Variants in HS6ST2 observed in about 807,000 individuals in gnomAD.
HS6ST2 encodes heparan-sulfate 6-O-sulfotransferase 2.
In HS6ST2, 17 loss-of-function variants were observed where a neutral mutation model predicts 33.0. The ratio of observed to expected loss-of-function variants is 0.52; its 90% CI spans 0.35 to 0.77. The LOEUF is 0.77. HS6ST2 is among the 30% of genes least tolerant of loss of function. HS6ST2 has a pLI of 0.01. For missense variants in HS6ST2, 519 were observed against 551.7 expected, an observed-to-expected ratio of 0.94 and a Z score of 0.59; for synonymous variants, 248 against 237.1, an observed-to-expected ratio of 1.05 and a Z score of -0.42.
chrX:132,863,922 G>A (rs2065939915), intron 2 of HS6ST2, among the ~76,000 whole-genome samples: 2 of 111,676 alleles, frequency 1.8e-5, no homozygotes, highest in Admixed American at 9.6e-5. Context: ...AATCTTTGCT[G>A]TTCTGCAGCC....
chrX:132,811,465 A>G (rs766220772), intron 2 of HS6ST2, among the ~76,000 whole-genome samples: 63 of 108,005 alleles, frequency 5.8e-4, no homozygotes, highest in Non-Finnish European at 1.1e-3. Context: ...CCAAATTGAA[A>G]GTCCATACTC....
chrX:132,874,179 A>G (rs2066088416), intron 2 of HS6ST2, among the ~76,000 whole-genome samples: 2 of 112,099 alleles, frequency 1.8e-5, no homozygotes, highest in Non-Finnish European at 3.8e-5. Flanking sequence ...CAAACATGTG[A>G]TCCATAAAAA....
chrX:132,961,120 G>A (rs749367869), upstream of HS6ST2: 23 of 83,990 alleles, frequency 2.7e-4, no homozygotes, highest in Admixed American at 2.2e-3. Context: ...GAAAGACTGG[G>A]GGTAGGAGGC....
At chrX:132,873,735 C>CAT (rs1449159948) in intron 2 of HS6ST2, among the ~76,000 whole-genome samples, 1 of 111,318 alleles carries the variant, frequency 9.0e-6, no homozygotes, top group Non-Finnish European at 1.9e-5. Flanking sequence ...GCTTTAAAGA[C>CAT]ATGAGCAGTC....
At chrX:132,908,160 A>G (rs1037719886) in intron 2 of HS6ST2, among the ~76,000 whole-genome samples, 2 of 112,584 alleles carry the variant, frequency 1.8e-5, no homozygotes, top group Non-Finnish European at 3.7e-5. Context: ...GCAGATAAAG[A>G]TGATCAATAT....
intron 2 of HS6ST2, among the ~76,000 whole-genome samples, chrX:132,768,471 C>G (rs960248994): frequency 9.0e-6 from 1 of 110,957 alleles, no homozygotes; most frequent in African/African-American, 3.3e-5. Flanking sequence ...ATGTAAAGAA[C>G]GTGTACATCA....
At chrX:132,762,753 G>T (rs2064814247) in intron 2 of HS6ST2, among the ~76,000 whole-genome samples, 1 of 111,819 alleles carries the variant, frequency 8.9e-6, no homozygotes, top group African/African-American at 3.2e-5. Flanking sequence ...TTCCCCTTGG[G>T]CCTCTGTTGC....
At chrX:132,799,370 C>CTTT (rs771580446) in intron 2 of HS6ST2, among the ~76,000 whole-genome samples, 1 of 99,267 alleles carries the variant, frequency 1.0e-5, no homozygotes, top group African/African-American at 3.7e-5. Flanking sequence ...TTCTCTTTTA[C>CTTT]TTTTTTTTTT....
chrX:132,866,775 CTGTT>C (rs1198137122), intron 2 of HS6ST2, among the ~76,000 whole-genome samples: 1 of 83,215 alleles, frequency 1.2e-5, no homozygotes, highest in Admixed American at 1.4e-4. Context: ...ATTTGGCTCT[CTGTT>C]TGTCTGTTGT....
chrX:132,921,346 T>C (rs1288491549), intron 2 of HS6ST2, among the ~76,000 whole-genome samples: 1 of 112,250 alleles, frequency 8.9e-6, no homozygotes, highest in African/African-American at 3.2e-5. Context: ...TAGTGATTCA[T>C]GTGCATAGTT....
rs372058509 is a variant in HS6ST2 at position 132,867,191 on chromosome X, G to T, written c.947+89617C>A. Among the ~76,000 whole-genome samples the T allele has an allele frequency of 9.2e-4, 98 of 106,203 alleles. 1 individual carries two copies. The East Asian group carries it at 0.022, about 24-fold the overall frequency. 92.2% of individuals were successfully genotyped at this position (106,203 alleles called of 115,157 possible). On this transcript the variant is annotated intron_variant, in intron 2 of 4. Coordinates refer to ENST00000370833, the MANE Select transcript of HS6ST2 (RefSeq NM_001394073.1). Reference sequence around the variant, plus strand: ...TTTATTGAGAGTTTTTAGCATGAAGGGTTGTTGAATTTTGTCAAAGGCCTT... The same window carrying T: ...TTTATTGAGAGTTTTTAGCATGAAGTGTTGTTGAATTTTGTCAAAGGCCTT...
chrX:132,847,334 G>C (rs915818468), intron 2 of HS6ST2, among the ~76,000 whole-genome samples: 6 of 110,861 alleles, frequency 5.4e-5, no homozygotes, highest in Non-Finnish European at 7.6e-5. Flanking sequence ...AGTATCTCTG[G>C]ACTCTACCCA....
At chrX:132,787,186 T>TACATATATATATACACATATATATATAC (rs1348493532) in intron 2 of HS6ST2, among the ~76,000 whole-genome samples, 33 of 77,142 alleles carry the variant, frequency 4.3e-4, no homozygotes, top group Non-Finnish European at 7.1e-4. Flanking sequence ...TATATATATA[T>TACATATATATATACACATATATATATAC]ACATATATAT....
At chrX:132,708,324 AAAAAG>A in intron 3 of HS6ST2, 133 bp downstream of exon 3, 3 of 308,453 alleles carry the variant, frequency 9.7e-6, no homozygotes, top group South Asian at 1.5e-4. Flanking sequence ...AAAAAAAAAA[AAAAAG>A]CCCTGGAAAG....
chrX:132,818,460 T>C (rs1249276062), intron 2 of HS6ST2, among the ~76,000 whole-genome samples: 1 of 111,167 alleles, frequency 9.0e-6, no homozygotes, highest in African/African-American at 3.3e-5. Flanking sequence ...ACTAATAATA[T>C]ACATTAGGGA....
At chrX:132,824,580 A>G (rs2065498050) in intron 2 of HS6ST2, among the ~76,000 whole-genome samples, 1 of 112,424 alleles carries the variant, frequency 8.9e-6, no homozygotes, top group Non-Finnish European at 1.9e-5. Flanking sequence ...TCAGATAAGG[A>G]AGGCAGCCTG....
chrX:132,784,922 A>G (rs2065048515), intron 2 of HS6ST2, among the ~76,000 whole-genome samples: 1 of 111,578 alleles, frequency 9.0e-6, no homozygotes, highest in Non-Finnish European at 1.9e-5. Flanking sequence ...GCTCTCTAGA[A>G]TCTGTCCTTT....
intron 2 of HS6ST2, among the ~76,000 whole-genome samples, chrX:132,900,637 C>T (rs2148460734): frequency 9.0e-6 from 1 of 110,683 alleles, no homozygotes; most frequent in South Asian, 3.8e-4. Flanking sequence ...AGTTCAAAGG[C>T]TGAGAAGAGG....
rs58059164 is a variant in HS6ST2 at position 132,860,777 on chromosome X, C to CT, written c.947+96030dup. Among the ~76,000 whole-genome samples, 264 of 52,883 alleles carry CT rather than the reference C, an allele frequency of 5.0e-3. 13 individuals are homozygous for CT. Among genetic ancestry groups the CT allele is most frequent in the East Asian group, 6.9e-3 (13 of 1,876 alleles). The allele number at this position is 52,883 out of a possible 115,157, so 45.9% of individuals were successfully genotyped here. A position where few individuals can be genotyped will look rare whatever the true frequency, so the allele number is the denominator to read the frequency against. ...AGTCTGGGTCCTTAGGCATGTGTATCTTTTTTTTTTTTTTTTTTTTTTTTT... is the reference window on the plus strand; with the variant it reads ...AGTCTGGGTCCTTAGGCATGTGTATCTTTTTTTTTTTTTTTTTTTTTTTTTT... On this transcript the variant is annotated intron_variant, in intron 2 of 4. Coordinates refer to ENST00000370833, the MANE Select transcript of HS6ST2 (RefSeq NM_001394073.1).
Sources: allele counts gnomAD v4.1 joint callset (sites outside exome capture counted in the v4.1 genomes callset), GRCh38; gene constraint gnomAD v4.1.1; transcripts MANE v1.5; gene names NCBI Gene and HGNC (gene_info 2026-07-23, HGNC 2026-07-21).